HIVEP3: variants seen among roughly 807,000 people sequenced by gnomAD.
HIVEP3 encodes transcription factor HIVEP3.
In HIVEP3, 49 loss-of-function variants were observed where a neutral mutation model predicts 152.8. The observed-to-expected ratio is 0.32, with a 90% CI of 0.26 to 0.41. The LOEUF (loss-of-function observed/expected upper bound fraction) is 0.41, where lower values mean the gene tolerates loss of function less well. HIVEP3 is among the 10% of genes least tolerant of loss of function. The probability of loss-of-function intolerance (pLI) is 1.00; values close to 1 mark genes in which losing one functional copy is unlikely to be tolerated. For missense variants in HIVEP3, 2,790 were observed against 3,103.3 expected (o/e 0.90, Z 2.40); for synonymous variants, 1,269 against 1,289.0 (o/e 0.98, Z 0.33).
chr1:41,806,915 C>T (rs1024162403), intron 1 of HIVEP3, among the ~76,000 whole-genome samples: 2 of 152,112 alleles, frequency 1.3e-5, no homozygotes, highest in African/African-American at 4.8e-5. Context: ...CCACGCCCCA[C>T]CCACACAGCC....
At chr1:41,999,186 G>A (rs976542512) in intron 1 of HIVEP3, among the ~76,000 whole-genome samples, 5 of 151,900 alleles carry the variant, frequency 3.3e-5, no homozygotes, top group Admixed American at 1.3e-4. Flanking sequence ...GAGCCACCAC[G>A]CCCAGCCATA....
chr1:41,858,879 A>G (rs1285423593), intron 1 of HIVEP3, among the ~76,000 whole-genome samples: 1 of 152,214 alleles, frequency 6.6e-6, no homozygotes, highest in Non-Finnish European at 1.5e-5. Context: ...CTGGGCAGAC[A>G]GAATGTCAAG....
chr1:41,636,504 C>T (rs541108789), intron 2 of HIVEP3, among the ~76,000 whole-genome samples: 1 of 151,922 alleles, frequency 6.6e-6, no homozygotes. Context: ...ACAAAAAACC[C>T]CAGTTAATCA....
chr1:41,920,121 A>C (rs150694974), upstream of HIVEP3, among the ~76,000 whole-genome samples: 221 of 151,770 alleles, frequency 1.5e-3, 2 homozygotes, highest in Middle Eastern at 3.4e-3. Flanking sequence ...ACACACACAC[A>C]CTCTCTTCCT....
At chr1:41,765,539 T>C (rs1269539977) in intron 1 of HIVEP3, among the ~76,000 whole-genome samples, 1 of 152,234 alleles carries the variant, frequency 6.6e-6, no homozygotes, top group Non-Finnish European at 1.5e-5. Flanking sequence ...TGGTTCACCA[T>C]ACTGTTCCCT....
intron 1 of HIVEP3, among the ~76,000 whole-genome samples, chr1:41,992,155 T>C (rs1433010076): frequency 1.4e-5 from 2 of 143,444 alleles, no homozygotes; most frequent in Non-Finnish European, 1.5e-5. Context: ...CCAGGGCAAT[T>C]AGGCAGGAGA....
intron 1 of HIVEP3, among the ~76,000 whole-genome samples, chr1:42,013,341 A>G (rs1645503983): frequency 6.6e-6 from 1 of 152,220 alleles, no homozygotes; most frequent in African/African-American, 2.4e-5. Context: ...AGAAGTTAAG[A>G]TTTCAACATC....
Position 41,587,386 on chromosome 1 carries a change from C to T in HIVEP3, c.-521-2068G>A, listed in dbSNP as rs142006307. Among the ~76,000 whole-genome samples, 1,353 of 152,318 alleles carry T rather than the reference C, an allele frequency of 8.9e-3. 21 individuals carry two copies. Among genetic ancestry groups the T allele is most frequent in the African/African-American group, 0.031 (1,271 of 41,550 alleles). On this transcript the variant is annotated intron_variant, in intron 3 of 8. Transcript: ENST00000372583. ...TGGGGAAGACAGACAAATCTCATTT[C>T]ATTAGATTACATCTCAGTCAACAGG...
At chr1:42,005,383 C>T (rs1382701338) in intron 1 of HIVEP3, among the ~76,000 whole-genome samples, 1 of 151,898 alleles carries the variant, frequency 6.6e-6, no homozygotes, top group Non-Finnish European at 1.5e-5. Flanking sequence ...ATATATATGA[C>T]ACACACATGT....
At chr1:41,806,976 C>T (rs1223360740) in intron 1 of HIVEP3, among the ~76,000 whole-genome samples, 3 of 151,954 alleles carry the variant, frequency 2.0e-5, no homozygotes, top group Admixed American at 1.3e-4. Context: ...ACTGGGTCAT[C>T]GAGTAAGCAG....
chr1:41,517,291 C>T (rs1642637359), intron 7 of HIVEP3, among the ~76,000 whole-genome samples: 1 of 152,168 alleles, frequency 6.6e-6, no homozygotes, highest in Admixed American at 6.5e-5. Flanking sequence ...ACTTCCCTGA[C>T]TTAACATGAG....
intron 1 of HIVEP3, among the ~76,000 whole-genome samples, chr1:41,894,104 G>C (rs1644493215): frequency 6.6e-6 from 1 of 151,762 alleles, no homozygotes; most frequent in Non-Finnish European, 1.5e-5. Context: ...ACAGGCATGA[G>C]CCACCATGCC....
intron 1 of HIVEP3, among the ~76,000 whole-genome samples, chr1:41,794,392 AGC>A (rs1373474736): frequency 6.6e-6 from 1 of 152,228 alleles, no homozygotes; most frequent in Non-Finnish European, 1.5e-5. Flanking sequence ...GGGAACACAG[AGC>A]CAAACCATAG....
At chr1:41,528,779 C>T (rs1451936296) in intron 5 of HIVEP3, among the ~76,000 whole-genome samples, 4 of 137,764 alleles carry the variant, frequency 2.9e-5, no homozygotes, top group Non-Finnish European at 4.7e-5. Context: ...TCACACACTC[C>T]ACACCCCCAC....
chr1:41,669,404 G>T (rs369607543), intron 2 of HIVEP3, among the ~76,000 whole-genome samples: 9 of 152,274 alleles, frequency 5.9e-5, no homozygotes, highest in African/African-American at 2.2e-4. Flanking sequence ...ATCTCGACTG[G>T]GCCATGGGGT....
rs1644419432 is a variant in HIVEP3 at position 41,582,041 on chromosome 1, C to T, written c.2757G>A (p.Glu919=). The T allele has an allele frequency of 1.9e-6, 3 of 1,614,192 alleles. No individual in the cohort carries two copies. The highest frequency in any genetic ancestry group is 2.5e-6 in the Non-Finnish European group (3 of 1,180,026). The change falls in exon 4 of 9, where the codon GAG becomes GAA. Residue 919 remains glutamate (E), a synonymous_variant. Coordinates refer to ENST00000372583, the MANE Select transcript of HIVEP3 (RefSeq NM_024503.5). This position sits in a 1 kb window ranked among gnomAD's most constrained non-coding sequence, Gnocchi z 4.7. ...GAGGCACAGAGGACTCGAAGCTGGA[C>T]TCCCCTGATGATTGGGCCATCTCTG... ...RLAEMAQSSG[E]SSFESSVPLS...
At chr1:41,819,325 C>CA (rs1642516379) in intron 1 of HIVEP3, among the ~76,000 whole-genome samples, 1 of 149,212 alleles carries the variant, frequency 6.7e-6, no homozygotes, top group African/African-American at 2.5e-5. Flanking sequence ...TTCCATTTGT[C>CA]TTTTTTTTTT....
chr1:41,854,026 A>C (rs191286268), intron 1 of HIVEP3, among the ~76,000 whole-genome samples: 1 of 152,196 alleles, frequency 6.6e-6, no homozygotes, highest in Non-Finnish European at 1.5e-5. Context: ...CGTGGAAACC[A>C]TAGAGCCTTA....
At chr1:41,707,096 A>G (rs1646445139) in intron 1 of HIVEP3, among the ~76,000 whole-genome samples, 1 of 152,212 alleles carries the variant, frequency 6.6e-6, no homozygotes, top group Non-Finnish European at 1.5e-5. Context: ...ACTCTGGTGG[A>G]AGCTGTGCTG....
Sources: gnomAD v4.1 joint callset for allele counts (sites outside exome capture counted in the v4.1 genomes callset) on GRCh38, gnomAD v4.1.1 for gene constraint, Gnocchi (gnomAD v3.1) non-coding constraint, MANE v1.5 for transcripts, NCBI Gene and HGNC (gene_info 2026-07-23, HGNC 2026-07-21) for gene names.